The following PCLO variants were observed in gnomAD, a reference collection of about 807,000 sequenced individuals.
PCLO encodes the protein piccolo presynaptic cytomatrix protein, also known as protein piccolo.
Under a neutral mutation model 427.5 loss-of-function variants are expected in PCLO, and 82 were observed. The observed-to-expected ratio is 0.19, with a 90% CI of 0.16 to 0.23. PCLO has a LOEUF of 0.23. PCLO is among the 10% of genes least tolerant of loss of function. The pLI, the probability that PCLO is intolerant of heterozygous loss-of-function variation, is 1.00. For synonymous variants in PCLO, 2,357 were observed against 2,155.4 expected (o/e 1.09, Z -2.59); for missense variants, 6,239 against 6,115.9 (o/e 1.02, Z -0.67).
intron 10 of PCLO, among the ~76,000 whole-genome samples, chr7:82,853,299 C>A (rs1047194294): frequency 3.3e-5 from 5 of 152,020 alleles, no homozygotes; most frequent in African/African-American, 1.2e-4. Flanking sequence ...CAGGCTCAAT[C>A]TGCCTTCTAG....
rs773529797 is a variant in PCLO at position 82,952,166 on chromosome 7, G to A, written c.8787C>T (p.Pro2929=). The change falls in exon 5 of 25, where the codon CCC becomes CCT. Residue 2929 remains proline (P), a synonymous_variant. Coordinates refer to ENST00000333891, the MANE Select transcript of PCLO (RefSeq NM_033026.6). ...CTCTTCTCCCTGCGGTTAAATCAAC[G>A]GGTTTTTCATCTTCTATTATTTTGG... The part of the protein sequence containing the change: ...VMTKIIEDEK[P]VDLTAGRRAV... 10 of 1,468,586 alleles carry A rather than the reference G, an allele frequency of 6.8e-6. No individual in the cohort carries two copies. Among genetic ancestry groups the A allele is most frequent in the African/African-American group, 2.8e-5 (1 of 36,348 alleles). The allele number at this position is 1,468,586 out of a possible 1,614,324, so 91.0% of individuals were successfully genotyped here. A position where few individuals can be genotyped will look rare whatever the true frequency, so the allele number is the denominator to read the frequency against.
chr7:83,162,488 G>C lies in PCLO; in HGVS notation c.105C>G (p.Thr35=), dbSNP rs374301624. ...GASGAGSPSH[T]AIPAGMEADL... ...CCGCCTCCATGCCGGCCGGGATCGCGGTGTGAGAGGGGCTCCCCGCCCCGC... is the reference window on the plus strand; with the variant it reads ...CCGCCTCCATGCCGGCCGGGATCGCCGTGTGAGAGGGGCTCCCCGCCCCGC... The change falls in exon 1 of 25, where the codon ACC becomes ACG. Residue 35 remains threonine (T), a synonymous_variant. Transcript: ENST00000333891. 11 of 1,574,630 alleles carry C rather than the reference G, an allele frequency of 7.0e-6. No individual in the cohort carries two copies. In the African/African-American group the frequency reaches 1.1e-4, roughly 15 times the overall value.
intron 10 of PCLO, 138 bp from the exon 11 acceptor site, chr7:82,847,385 C>G: frequency 1.7e-6 from 1 of 580,064 alleles, no homozygotes; most frequent in Admixed American, 3.2e-5. Flanking sequence ...AAGTTCTCTG[C>G]AACATTAATA....
chr7:82,780,823 A>C (rs900358686), intron 22 of PCLO, among the ~76,000 whole-genome samples: 1 of 152,210 alleles, frequency 6.6e-6, no homozygotes, highest in Non-Finnish European at 1.5e-5. Context: ...TATTTTTTTG[A>C]GACAGTCTCA....
At chr7:82,935,679 T>A (rs1794936035) in intron 6 of PCLO, among the ~76,000 whole-genome samples, 1 of 151,664 alleles carries the variant, frequency 6.6e-6, no homozygotes, top group African/African-American at 2.4e-5. Context: ...TGAAACTTCA[T>A]TTCACAACGC....
chr7:83,086,853 G>A (rs1209060752), intron 3 of PCLO, among the ~76,000 whole-genome samples: 1 of 151,996 alleles, frequency 6.6e-6, no homozygotes. Flanking sequence ...TAAAAAGTAT[G>A]TGCATTTATA....
Position 83,154,992 on chromosome 7 carries a change from G to C in PCLO, c.1649C>G (p.Ser550Trp), listed in dbSNP as rs747807413. 6 of 1,614,022 alleles carry C rather than the reference G, an allele frequency of 3.7e-6. No homozygotes were observed. In the South Asian group the frequency reaches 6.6e-5, roughly 18 times the overall value. The part of the protein sequence containing the change: ...SAQQPSPAKP[S>W]AQQSTKPVSQ... ...TACTGGTTTTGTAGATTGCTGAGCCGAGGGCTTTGCTGGGCTAGGCTGTTG... is the reference window on the plus strand; with the variant it reads ...TACTGGTTTTGTAGATTGCTGAGCCCAGGGCTTTGCTGGGCTAGGCTGTTG... Residue 550 changes from serine to tryptophan, a missense_variant, in exon 2 of 25, where the codon TCG becomes TGG. Physicochemically the swap from Ser to Trp is radical, Grantham distance 177 (BLOSUM62 -3). Coordinates refer to ENST00000333891, the MANE Select transcript of PCLO (RefSeq NM_033026.6).
At chr7:83,088,004 T>C (rs572426199) in intron 3 of PCLO, among the ~76,000 whole-genome samples, 1 of 152,352 alleles carries the variant, frequency 6.6e-6, no homozygotes, top group African/African-American at 2.4e-5. Context: ...ATATAATCGA[T>C]AAAATGTAAT....
In PCLO at chr7:82,995,163, C is replaced by T. The variant is rs1796467428; in HGVS notation, c.3301-28676G>A. Among the ~76,000 whole-genome samples, 2 of 151,814 alleles carry T rather than the reference C, an allele frequency of 1.3e-5. 1 individual carries two copies. Among genetic ancestry groups the T allele is most frequent in the South Asian group, 4.1e-4 (2 of 4,820 alleles). ...GTTAAGCCATGGAAATGGATGAACT[C>T]TTTGGGAAAAGATGTACAGTGAGGA... On this transcript the variant is annotated intron_variant, in intron 3 of 24. Transcript: ENST00000333891.
At chr7:82,875,852 A>T (rs182578834) in intron 10 of PCLO, among the ~76,000 whole-genome samples, 26 of 152,236 alleles carry the variant, frequency 1.7e-4, no homozygotes, top group Admixed American at 1.7e-3. Context: ...TATTTTTAAA[A>T]GTCTGTGATA....
chr7:83,059,361 T>A (rs1482818220), intron 3 of PCLO, among the ~76,000 whole-genome samples: 48 of 112,528 alleles, frequency 4.3e-4, no homozygotes, highest in African/African-American at 1.7e-3. Context: ...CTTTAAAATA[T>A]ATATATATAT....
At chr7:82,968,987 T>A (rs768627034) in intron 3 of PCLO, among the ~76,000 whole-genome samples, 8 of 152,170 alleles carry the variant, frequency 5.3e-5, no homozygotes, top group Non-Finnish European at 1.0e-4. Flanking sequence ...AAATATAGGT[T>A]TCATGCCATT....
chr7:82,958,227 TCTAA>T (rs1469980021), intron 4 of PCLO, among the ~76,000 whole-genome samples: 1 of 152,098 alleles, frequency 6.6e-6, no homozygotes, highest in Non-Finnish European at 1.5e-5. Flanking sequence ...GCTCTTCTGA[TCTAA>T]CTATGGCCCA....
chr7:82,874,791 TC>T (rs1793329967), intron 10 of PCLO, among the ~76,000 whole-genome samples: 2 of 152,150 alleles, frequency 1.3e-5, no homozygotes, highest in Admixed American at 1.3e-4. Flanking sequence ...GTCCATATAT[TC>T]TAGTACACTT....
chr7:82,911,457 G>C (rs1413030268), intron 7 of PCLO, among the ~76,000 whole-genome samples: 1 of 151,166 alleles, frequency 6.6e-6, no homozygotes, highest in Non-Finnish European at 1.5e-5. Context: ...TTTTAAACTT[G>C]ACAATATTTT....
rs1482680348 is a variant in PCLO, at chr7:82,950,099, A to G, written c.10489T>C (p.Tyr3497His). The G allele has an allele frequency of 6.3e-7, 1 of 1,582,156 alleles. No individual in the cohort carries two copies. Among genetic ancestry groups the G allele is most frequent in the Non-Finnish European group, 8.6e-7 (1 of 1,167,036 alleles). Residue 3497 changes from tyrosine to histidine, a missense_variant, in exon 6 of 25, where the codon TAT (tyrosine) becomes CAT (histidine). Tyr to His is a moderately conservative substitution (Grantham distance 83). Around this residue, in one of 5 missense-constraint regions of PCLO, gnomAD observed 4,677 missense variants for 4,468.4 expected, o/e 1.05. Transcript: ENST00000333891. ...TCAGCCTCTGTCATGCTGTCACCAT[A>G]TTTCCCTACACGAGCTTTCCTCCTT... is the stretch of plus-strand genomic sequence containing the variant. ...RSRRKARVGK[Y>H]GDSMTEADKT...
chr7:82,858,576 T>C (rs958693108), intron 10 of PCLO, among the ~76,000 whole-genome samples: 3 of 152,120 alleles, frequency 2.0e-5, no homozygotes, highest in African/African-American at 4.8e-5. Context: ...CAAAATACTG[T>C]TATAATTAAT....
intron 16 of PCLO, among the ~76,000 whole-genome samples, chr7:82,831,899 C>T (rs1355184586): frequency 1.3e-5 from 2 of 152,090 alleles, no homozygotes; most frequent in African/African-American, 4.8e-5. Flanking sequence ...TTTCAATGAA[C>T]TGTGTTGCCA....
At chr7:82,987,014 T>C (rs1253981062) in intron 3 of PCLO, among the ~76,000 whole-genome samples, 3 of 151,928 alleles carry the variant, frequency 2.0e-5, no homozygotes, top group African/African-American at 7.2e-5. Flanking sequence ...AGGTGAACTA[T>C]TATAAAGGGA....
Sources: allele counts gnomAD v4.1 joint callset (sites outside exome capture counted in the v4.1 genomes callset), GRCh38; gene constraint gnomAD v4.1.1; regional missense constraint gnomAD v4.1.1; transcripts MANE v1.5; gene names NCBI Gene and HGNC (gene_info 2026-07-23, HGNC 2026-07-21).